BRK1: variants seen among roughly 807,000 people sequenced by gnomAD.
BRK1 encodes BRICK1 subunit of SCAR/WAVE actin nucleating complex.
In BRK1, 6 loss-of-function variants were observed where a neutral mutation model predicts 9.9. The observed-to-expected ratio is 0.60, with a 90% CI of 0.33 to 1.19. The LOEUF is 1.19. BRK1 is among the 50% of genes most tolerant of loss of function. The pLI is 0.04. For missense variants in BRK1, 62 were observed against 97.5 expected (o/e 0.64, Z 1.53); for synonymous variants, 44 against 31.9 (o/e 1.38, Z -1.28).
At chr3:10,126,098 CAAAAG>C (rs1051150587) in intron 2 of BRK1, among the ~76,000 whole-genome samples, 166 bp from the exon 3 acceptor site, 3 of 152,066 alleles carry the variant, frequency 2.0e-5, no homozygotes, top group Non-Finnish European at 2.9e-5. Flanking sequence ...CTCAAAAAAA[CAAAAG>C]AAGAGAAAAG....
intron 1 of BRK1, among the ~76,000 whole-genome samples, chr3:10,123,782 C>CTGCAG (rs1695798149): frequency 8.4e-6 from 1 of 119,450 alleles, no homozygotes; most frequent in South Asian, 2.8e-4. Context: ...GTCACCCAGG[C>CTGCAG]TGCAGTGCAG....
chr3:10,125,908 T>C (rs1261940897), intron 2 of BRK1, among the ~76,000 whole-genome samples, 200 bp downstream of exon 2: 1 of 151,974 alleles, frequency 6.6e-6, no homozygotes, highest in Admixed American at 6.6e-5. Flanking sequence ...CTGGCCAACA[T>C]GGTGAAACCC....
intron 1 of BRK1, among the ~76,000 whole-genome samples, chr3:10,116,189 A>G (rs142429930): frequency 1.3e-4 from 20 of 152,280 alleles, no homozygotes; most frequent in African/African-American, 4.8e-4. Flanking sequence ...CAAAGTGAGC[A>G]TCCGGGACCG....
intron 1 of BRK1, among the ~76,000 whole-genome samples, chr3:10,122,595 G>C (rs1477205292): frequency 6.6e-6 from 1 of 152,006 alleles, no homozygotes; most frequent in Non-Finnish European, 1.5e-5. Flanking sequence ...CACCTACTGA[G>C]TAGTAATTGC....
At chr3:10,122,930 C>A (rs762049518) in intron 1 of BRK1, among the ~76,000 whole-genome samples, 4 of 152,124 alleles carry the variant, frequency 2.6e-5, no homozygotes, top group Non-Finnish European at 5.9e-5. Flanking sequence ...GATGCTGAAG[C>A]GCTTTTGCAA....
chr3:10,126,164 CTTCTT>C lies in BRK1; in HGVS notation c.202-100_202-96del, dbSNP rs1260810304. ...CATGTTTCTGTGACTTCACAGCTAT[CTTCTT>C]TTCTGCTATTTCTCACTGCCTAGGA... On this transcript the variant is annotated intron_variant, in intron 2 of 2. Coordinates refer to ENST00000530758, the MANE Select transcript of BRK1 (RefSeq NM_018462.5). The C allele has an allele frequency of 8.2e-6, 6 of 731,976 alleles. No individual in the cohort carries two copies. The African/African-American group carries it at 1.1e-4, about 13-fold the overall frequency. 45.3% of individuals were successfully genotyped at this position (731,976 alleles called of 1,614,324 possible).
At chr3:10,119,861 A>T (rs1575905671) in intron 1 of BRK1, among the ~76,000 whole-genome samples, 1 of 152,152 alleles carries the variant, frequency 6.6e-6, no homozygotes, top group African/African-American at 2.4e-5. Flanking sequence ...CTGTTTTTTT[A>T]AAATCTTGGT....
intron 1 of BRK1, among the ~76,000 whole-genome samples, chr3:10,123,785 C>T (rs1017793220): frequency 2.2e-4 from 25 of 115,068 alleles, no homozygotes; most frequent in African/African-American, 7.1e-4. Flanking sequence ...ACCCAGGCTG[C>T]AGTGCAGTGG....
At chr3:10,124,470 CCA>C (rs969043414) in intron 1 of BRK1, among the ~76,000 whole-genome samples, 38 of 151,208 alleles carry the variant, frequency 2.5e-4, no homozygotes, top group African/African-American at 7.5e-4. Context: ...AAAAAAAAAA[CCA>C]AAAAAACAAA....
intron 1 of BRK1, among the ~76,000 whole-genome samples, chr3:10,120,094 A>G (rs1205996530): frequency 3.3e-5 from 5 of 152,114 alleles, no homozygotes; most frequent in African/African-American, 9.7e-5. Flanking sequence ...CAGTGGTGCA[A>G]TCTCGGCTCA....
At chr3:10,122,243 A>G (rs549413826) in intron 1 of BRK1, among the ~76,000 whole-genome samples, 6 of 152,182 alleles carry the variant, frequency 3.9e-5, no homozygotes, top group African/African-American at 1.2e-4. Flanking sequence ...TTCAATGGCT[A>G]TTTTAATAGT....
chr3:10,119,431 C>G lies in BRK1; in HGVS notation c.118+3612C>G, dbSNP rs111613623. 0.028 allele frequency among the ~76,000 whole-genome samples: 4,328 copies of G among 152,244 alleles called. 191 individuals are homozygous for G. Among genetic ancestry groups the G allele is most frequent in the African/African-American group, 0.096 (3,971 of 41,528 alleles). On this transcript the variant is annotated intron_variant, in intron 1 of 2. Coordinates refer to ENST00000530758, the MANE Select transcript of BRK1 (RefSeq NM_018462.5). ...CAAGATCGTGCCACTGTACTCCAGC[C>G]TGGGTGACAGAGTGAGACTCTCTCT...
At chr3:10,123,508 T>C (rs1695789589) in intron 1 of BRK1, among the ~76,000 whole-genome samples, 1 of 150,296 alleles carries the variant, frequency 6.7e-6, no homozygotes, top group Non-Finnish European at 1.5e-5. Context: ...CAATCTCGGC[T>C]CACTGCTACC....
Position 10,125,649 on chromosome 3 carries a change from G to A in BRK1, c.142G>A (p.Ala48Thr). The A allele has an allele frequency of 6.2e-7, 1 of 1,612,276 alleles. No individual in the cohort carries two copies. Among genetic ancestry groups the A allele is most frequent in the South Asian group, 1.1e-5 (1 of 90,758 alleles). The change falls in exon 2 of 3, where the codon GCA (alanine) becomes ACA (threonine). Residue 48 changes from alanine to threonine, a missense_variant. Transcript: ENST00000530758. ...SFDMSCRSRL[A>T]TLNEKLTALE... is the part of the protein sequence containing the mutation. ...AGATATGTCTTGTCGTTCAAGACTT[G>A]CAACACTAAACGAGAAATTGACAGC...
At chr3:10,115,968 C>A in intron 1 of BRK1, 149 bp downstream of exon 1, 2 of 668,184 alleles carry the variant, frequency 3.0e-6, no homozygotes, top group Non-Finnish European at 5.4e-6. Flanking sequence ...TTCTCCCTCC[C>A]GCCCTGACCC....
rs1326668345 is a variant in BRK1 at position 10,115,759 on chromosome 3, G to T, written c.58G>T (p.Glu20Ter). 1.2e-6 allele frequency: 2 copies of T among 1,613,846 alleles called. No homozygotes were observed. Among genetic ancestry groups the T allele is most frequent in the African/African-American group, 1.3e-5 (1 of 74,916 alleles). ...GATTCACCAGGACTGGGCTAACCGG[G>T]AGTACATTGAGATAATCACCAGCAG... The part of the protein sequence containing the change: ...REIHQDWANR[E>*]YIEIITSSIK... The change falls in exon 1 of 3, where the codon GAG becomes TAG. Residue 20 changes from glutamate to a stop codon, truncating the protein, a stop_gained. Coordinates refer to ENST00000530758, the MANE Select transcript of BRK1 (RefSeq NM_018462.5). LOFTEE classifies it high-confidence loss of function.
intron 1 of BRK1, among the ~76,000 whole-genome samples, chr3:10,117,695 C>T (rs2125116933): frequency 6.6e-6 from 1 of 152,112 alleles, no homozygotes; most frequent in African/African-American, 2.4e-5. Flanking sequence ...CTGTGCCCTG[C>T]CCCCAAAAAT....
intron 1 of BRK1, among the ~76,000 whole-genome samples, chr3:10,116,713 A>C (rs983560019): frequency 6.6e-6 from 1 of 152,172 alleles, no homozygotes; most frequent in African/African-American, 2.4e-5. Flanking sequence ...TCTCTAACTA[A>C]AGGACTGATG....
At chr3:10,123,946 G>A (rs555256333) in intron 1 of BRK1, among the ~76,000 whole-genome samples, 1 of 151,026 alleles carries the variant, frequency 6.6e-6, no homozygotes, top group Non-Finnish European at 1.5e-5. Flanking sequence ...TGTTAGCCAG[G>A]CTGGTCTCAA....
Sources: allele counts gnomAD v4.1 joint callset (sites outside exome capture counted in the v4.1 genomes callset), GRCh38; gene constraint gnomAD v4.1.1; transcripts MANE v1.5; gene names NCBI Gene and HGNC (gene_info 2026-07-23, HGNC 2026-07-21).